PRTG: variants seen among roughly 807,000 people sequenced by gnomAD.
The protein encoded by PRTG is protogenin, also known as immunoglobulin superfamily, DCC subclass, member 5.
A neutral mutation model predicts 122.5 loss-of-function variants in PRTG; 67 were observed. The ratio of observed to expected loss-of-function variants is 0.55; its 90% confidence interval spans 0.45 to 0.67. The LOEUF is 0.67. Among genes scored for constraint, PRTG ranks in the 30% least tolerant of loss-of-function variants. The pLI, the probability that PRTG is intolerant of heterozygous loss-of-function variation, is 0.00. For synonymous variants in PRTG, 554 were observed against 501.1 expected (o/e 1.11, Z -1.41); for missense variants, 1,435 against 1,415.4 (o/e 1.01, Z -0.22).
chr15:55,631,265 A>C (rs1045436201), intron 15 of PRTG, among the ~76,000 whole-genome samples: 1 of 152,254 alleles, frequency 6.6e-6, no homozygotes, highest in Admixed American at 6.5e-5. Context: ...GTGACATGTT[A>C]CACTTAGCTG....
intron 2 of PRTG, among the ~76,000 whole-genome samples, chr15:55,714,297 T>C (rs75576399): frequency 0.073 from 11,117 of 151,520 alleles, 450 homozygotes; most frequent in Non-Finnish European, 0.1. Flanking sequence ...ATACCATAGC[T>C]CAACTGCAGC....
intron 2 of PRTG, among the ~76,000 whole-genome samples, chr15:55,733,207 C>CA (rs764157545): frequency 5.3e-5 from 8 of 151,828 alleles, no homozygotes; most frequent in Non-Finnish European, 1.0e-4. Flanking sequence ...GACTCTGTCT[C>CA]AAAAAATAGT....
Position 55,619,185 on chromosome 15 carries a change from A to T in PRTG, c.*827T>A, listed in dbSNP as rs2059153581. The T allele has an allele frequency of 6.6e-6, 1 of 152,212 alleles. No individual in the cohort carries two copies. The highest frequency in any genetic ancestry group is 2.4e-5 in the African/African-American group (1 of 41,454). The allele number at this position is 152,212 out of a possible 1,614,324, so 9.4% of individuals were successfully genotyped here. The stretch of plus-strand genomic sequence containing the variant: ...GCTTGAGGTTTGGGATATAGGAGAT[A>T]AAGCACTCAGACTCTAATGCCCAAA... On this transcript the variant is annotated 3_prime_UTR_variant, in exon 20 of 20. Coordinates refer to ENST00000389286, the MANE Select transcript of PRTG (RefSeq NM_173814.6).
intron 18 of PRTG, among the ~76,000 whole-genome samples, chr15:55,623,583 A>C (rs567779441): frequency 6.6e-6 from 1 of 152,106 alleles, no homozygotes; most frequent in African/African-American, 2.4e-5. Flanking sequence ...AAAGTAAAAA[A>C]CAGTCTTAGC....
At chr15:55,714,599 A>C (rs1185212821) in intron 2 of PRTG, among the ~76,000 whole-genome samples, 1 of 151,948 alleles carries the variant, frequency 6.6e-6, no homozygotes, top group Non-Finnish European at 1.5e-5. Flanking sequence ...CTAAGTGAAC[A>C]CTATTTCCCC....
intron 11 of PRTG, among the ~76,000 whole-genome samples, chr15:55,652,759 C>T (rs1021150279): frequency 9.9e-5 from 15 of 152,144 alleles, no homozygotes; most frequent in African/African-American, 2.4e-5. Context: ...CACATTTGCA[C>T]AATGCGATCT....
At chr15:55,741,122 G>C (rs369985771) in intron 1 of PRTG, among the ~76,000 whole-genome samples, 3 of 152,202 alleles carry the variant, frequency 2.0e-5, no homozygotes, top group Admixed American at 6.5e-5. Flanking sequence ...CTTGTCCCTT[G>C]AAGTGTTTTT....
At chr15:55,648,400 T>C (rs1331054938) in intron 11 of PRTG, among the ~76,000 whole-genome samples, 1 of 152,256 alleles carries the variant, frequency 6.6e-6, no homozygotes, top group Admixed American at 6.5e-5. Context: ...TAACTGCATA[T>C]GATCTAACAA....
In PRTG at chr15:55,696,232, C is replaced by G. The variant is rs1164710071; in HGVS notation, c.398-12301G>C. ...TGAGCCATTATCATGCCACTGCACT[C>G]CAGCCTGGATGAGAAGAGATCCTGT... On this transcript the variant is annotated intron_variant, in intron 2 of 19. Transcript: ENST00000389286. Among the ~76,000 whole-genome samples, 3 of 152,096 alleles carry G rather than the reference C, an allele frequency of 2.0e-5. No homozygotes were observed. In the East Asian group the frequency reaches 5.8e-4, roughly 29 times the overall value.
chr15:55,702,619 T>C (rs2029934591), intron 2 of PRTG, among the ~76,000 whole-genome samples: 1 of 152,126 alleles, frequency 6.6e-6, no homozygotes, highest in Non-Finnish European at 1.5e-5. Context: ...CACAAAAATA[T>C]TTATCCTAAT....
rs2059148155 is a variant in PRTG at position 55,617,978 on chromosome 15, C to T, written c.*2034G>A. 6.6e-6 allele frequency: 1 copy of T among 152,110 alleles called. No individual in the cohort carries two copies. Among genetic ancestry groups the T allele is most frequent in the African/African-American group, 2.4e-5 (1 of 41,422 alleles). The allele number at this position is 152,110 out of a possible 1,614,324, so 9.4% of individuals were successfully genotyped here. ...GGCAGCTCAAAAGTAACAAAACGTTCCCTGAGTACAGGAAAAAAAATAACA... is the reference window on the plus strand; with the variant it reads ...GGCAGCTCAAAAGTAACAAAACGTTTCCTGAGTACAGGAAAAAAAATAACA... On this transcript the variant is annotated 3_prime_UTR_variant, in exon 20 of 20. Transcript: ENST00000389286.
At chr15:55,656,503 A>G in intron 11 of PRTG, 2 of 357,960 alleles carry the variant, frequency 5.6e-6, no homozygotes, top group South Asian at 4.6e-5. Flanking sequence ...CCTAACCCAG[A>G]GCAGTGTAAT....
rs1209083381 is a variant in PRTG, at chr15:55,673,811, G to C, written c.1547-135C>G. ...CTTTCAGCCCTAGCAGAGGTTTTCA[G>C]TGAAACAGAGTACAAACCAGAAAAA... On this transcript the variant is annotated intron_variant, in intron 9 of 19. Transcript: ENST00000389286. 3 of 658,006 alleles carry C rather than the reference G, an allele frequency of 4.6e-6. No homozygotes were observed. In the African/African-American group the frequency reaches 5.5e-5, roughly 12 times the overall value. 40.8% of individuals were successfully genotyped at this position (658,006 alleles called of 1,614,324 possible).
At chr15:55,738,499 C>T in intron 2 of PRTG, 1 of 701,222 alleles carries the variant, frequency 1.4e-6, no homozygotes, top group Non-Finnish European at 2.6e-6. Flanking sequence ...ACTCCCTATC[C>T]CTGAAAGATA....
chr15:55,617,123 T>C lies in PRTG; in HGVS notation c.*2889A>G, dbSNP rs2059145036. ...TCTTCACATTTTAATTACAATTTCA[T>C]ACTTAAGACTTCAAAGAAGCTTGAT... On this transcript the variant is annotated 3_prime_UTR_variant, in exon 20 of 20. Coordinates refer to ENST00000389286, the MANE Select transcript of PRTG (RefSeq NM_173814.6). The C allele has an allele frequency of 6.6e-6, 1 of 152,116 alleles. No individual in the cohort carries two copies. The highest frequency in any genetic ancestry group is 1.5e-5 in the Non-Finnish European group (1 of 67,970). The allele number at this position is 152,116 out of a possible 1,614,324, so 9.4% of individuals were successfully genotyped here.
Position 55,682,348 on chromosome 15 carries a change from C to T in PRTG, c.676+16G>A, listed in dbSNP as rs73408330. On this transcript the variant is annotated intron_variant, in intron 4 of 19. Coordinates refer to ENST00000389286, the MANE Select transcript of PRTG (RefSeq NM_173814.6). ...ATAAAACGTCATAAAAATGGAAAAA[C>T]CACTCTGCGTGGTACCTGGAATCAC... is the stretch of plus-strand genomic sequence containing the variant. The T allele has an allele frequency of 5.9e-4, 911 of 1,555,774 alleles. 7 individuals are homozygous for T. In the African/African-American group the frequency reaches 0.012, roughly 20 times the overall value.
At chr15:55,654,241 T>C (rs2059368437) in intron 11 of PRTG, among the ~76,000 whole-genome samples, 1 of 152,134 alleles carries the variant, frequency 6.6e-6, no homozygotes, top group Non-Finnish European at 1.5e-5. Context: ...ATGGTGAGGG[T>C]TGATATCTCC....
At chr15:55,634,420 G>A (rs1263366657) in intron 15 of PRTG, among the ~76,000 whole-genome samples, 2 of 152,056 alleles carry the variant, frequency 1.3e-5, no homozygotes, top group South Asian at 2.1e-4. Flanking sequence ...AGAAGTATGT[G>A]TTCATGCTAT....
chr15:55,653,924 T>C (rs867856922), intron 11 of PRTG, among the ~76,000 whole-genome samples: 1 of 152,262 alleles, frequency 6.6e-6, no homozygotes, highest in Non-Finnish European at 1.5e-5. Context: ...ATCAGGCTTT[T>C]AAGAATTCTT....
Sources: allele counts gnomAD v4.1 joint callset (sites outside exome capture counted in the v4.1 genomes callset), GRCh38; gene constraint gnomAD v4.1.1; transcripts MANE v1.5; gene names NCBI Gene and HGNC (gene_info 2026-07-23, HGNC 2026-07-21).